Variants in CNTN5 observed in about 807,000 individuals in gnomAD.
CNTN5 encodes contactin 5, also known as contactin-5.
Under a neutral mutation model 129.1 loss-of-function variants are expected in CNTN5, and 77 were observed. That is an observed-to-expected ratio of 0.60 (90% CI 0.50 to 0.72). CNTN5 has a LOEUF of 0.72. Ranked by LOEUF, CNTN5 falls within the 30% of genes least tolerant of loss-of-function variation. The probability of loss-of-function intolerance (pLI) is 0.00; values close to 1 mark genes in which losing one functional copy is unlikely to be tolerated. For missense variants in CNTN5, 1,478 were observed against 1,328.8 expected (o/e 1.11, Z -1.75); for synonymous variants, 509 against 465.6 (o/e 1.09, Z -1.20).
chr11:99,784,841 C>T (rs928796920), intron 3 of CNTN5, among the ~76,000 whole-genome samples: 1 of 142,804 alleles, frequency 7.0e-6, no homozygotes, highest in African/African-American at 2.6e-5. Flanking sequence ...GCTTTGTTGC[C>T]CAGGTTGGAG....
intron 2 of CNTN5, among the ~76,000 whole-genome samples, chr11:99,408,204 A>T (rs1295382891): frequency 6.6e-6 from 1 of 151,296 alleles, no homozygotes; most frequent in East Asian, 2.0e-4. Context: ...CTTCTTTTTT[A>T]AAAAGTATCA....
intron 2 of CNTN5, among the ~76,000 whole-genome samples, chr11:99,388,824 A>G (rs1279744319): frequency 6.6e-6 from 1 of 152,150 alleles, no homozygotes; most frequent in Non-Finnish European, 1.5e-5. Context: ...GAACAGATTT[A>G]TCTCCTAATC....
intron 9 of CNTN5, among the ~76,000 whole-genome samples, chr11:100,048,018 C>G (rs1942776181): frequency 6.6e-6 from 1 of 152,066 alleles, no homozygotes; most frequent in Admixed American, 6.6e-5. Context: ...GTAGTCCCAG[C>G]TACTGGGGGT....
chr11:99,373,142 G>A (rs1382126453), intron 2 of CNTN5, among the ~76,000 whole-genome samples: 3 of 152,150 alleles, frequency 2.0e-5, no homozygotes, highest in Non-Finnish European at 2.9e-5. Flanking sequence ...CCTGGAGGCC[G>A]AGGTTGCAGT....
At chr11:99,893,055 G>C (rs778511110) in intron 6 of CNTN5, among the ~76,000 whole-genome samples, 4 of 152,070 alleles carry the variant, frequency 2.6e-5, no homozygotes, top group Non-Finnish European at 5.9e-5. Flanking sequence ...GGGAGTCTCA[G>C]CAAATGTTTC....
intron 8 of CNTN5, among the ~76,000 whole-genome samples, chr11:99,970,607 A>G (rs546846900): frequency 6.6e-6 from 1 of 152,324 alleles, no homozygotes; most frequent in East Asian, 1.9e-4. Flanking sequence ...AAACTTTAGT[A>G]AAGGTTAGCT....
intron 7 of CNTN5, among the ~76,000 whole-genome samples, chr11:99,921,562 A>G (rs1187479515): frequency 6.6e-6 from 1 of 152,200 alleles, no homozygotes; most frequent in African/African-American, 2.4e-5. Context: ...ACAGCATTAC[A>G]TATACTGCCT....
chr11:99,044,465 C>G (rs554568724), intron 1 of CNTN5, among the ~76,000 whole-genome samples: 1 of 152,106 alleles, frequency 6.6e-6, no homozygotes, highest in Non-Finnish European at 1.5e-5. Flanking sequence ...AATGAGCAGT[C>G]TAGTCCTCAT....
At chr11:99,931,741 G>C (rs1950197411) in intron 7 of CNTN5, among the ~76,000 whole-genome samples, 1 of 152,190 alleles carries the variant, frequency 6.6e-6, no homozygotes, top group Non-Finnish European at 1.5e-5. Flanking sequence ...ATGCAGACAA[G>C]TTAGTGTGCA....
At chr11:99,363,984 A>G (rs1939290181) in intron 2 of CNTN5, among the ~76,000 whole-genome samples, 1 of 152,252 alleles carries the variant, frequency 6.6e-6, no homozygotes, top group East Asian at 1.9e-4. Context: ...GCAAAGGTGA[A>G]TAAAAGTCTA....
At chr11:99,659,315 C>T (rs116291422) in intron 3 of CNTN5, among the ~76,000 whole-genome samples, 1,884 of 152,138 alleles carry the variant, frequency 0.012, 38 homozygotes, top group African/African-American at 0.042. Flanking sequence ...GTATTCCAGG[C>T]TCTAGTTGTT....
Position 99,678,778 on chromosome 11 carries a change from G to A in CNTN5, c.55+122509G>A, listed in dbSNP as rs543973802. ...GAGTTCTGTGGCATGGTGGCACAGC[G>A]CCAACTACAGTAAAGAAATAAATTA... On this transcript the variant is annotated intron_variant, in intron 3 of 24. Coordinates refer to ENST00000524871, the MANE Select transcript of CNTN5 (RefSeq NM_014361.4). 7.2e-5 allele frequency among the ~76,000 whole-genome samples: 11 copies of A among 151,962 alleles called. No individual in the cohort carries two copies. In the East Asian group the frequency reaches 9.7e-4, roughly 13 times the overall value.
intron 1 of CNTN5, among the ~76,000 whole-genome samples, chr11:99,143,263 T>A (rs1482268406): frequency 6.7e-6 from 1 of 149,772 alleles, no homozygotes; most frequent in Non-Finnish European, 1.5e-5. Flanking sequence ...CTTAGAAATG[T>A]AATTTAAAAA....
chr11:100,000,893 C>A (rs1195448521), intron 8 of CNTN5, among the ~76,000 whole-genome samples: 1 of 152,158 alleles, frequency 6.6e-6, no homozygotes, highest in African/African-American at 2.4e-5. Context: ...TGTATGTTGA[C>A]CCCTTTTAGC....
At position 99,982,411 on chromosome 11, in the gene CNTN5, C is replaced by T. The variant is rs554288770; in HGVS notation, c.878-19623C>T. On this transcript the variant is annotated intron_variant, in intron 8 of 24. Coordinates refer to ENST00000524871, the MANE Select transcript of CNTN5 (RefSeq NM_014361.4). ...TATAGAATGGATTGGGGTAAAAAGA[C>T]AGCTGGCAGGAGGCTGAATACACCA... Among the ~76,000 whole-genome samples the T allele has an allele frequency of 5.3e-5, 8 of 152,158 alleles. No homozygotes were observed. In the South Asian group the frequency reaches 1.5e-3, roughly 28 times the overall value.
At chr11:100,021,422 A>T (rs962579563) in intron 9 of CNTN5, among the ~76,000 whole-genome samples, 11 of 152,184 alleles carry the variant, frequency 7.2e-5, no homozygotes, top group Non-Finnish European at 1.5e-4. Context: ...GAAATTTTCT[A>T]ATATATTTGT....
chr11:99,436,934 C>T (rs560294307), intron 2 of CNTN5, among the ~76,000 whole-genome samples: 2 of 152,154 alleles, frequency 1.3e-5, no homozygotes, highest in South Asian at 2.1e-4. Context: ...TTTTCTCTAC[C>T]TTCATGATGT....
intron 17 of CNTN5, among the ~76,000 whole-genome samples, chr11:100,259,330 C>A (rs1373831217): frequency 1.3e-5 from 2 of 152,158 alleles, no homozygotes; most frequent in Non-Finnish European, 2.9e-5. Context: ...GACTTAGACT[C>A]CCACACAATA....
At chr11:99,390,533 T>C (rs1369183320) in intron 2 of CNTN5, among the ~76,000 whole-genome samples, 2 of 152,188 alleles carry the variant, frequency 1.3e-5, no homozygotes, top group Non-Finnish European at 2.9e-5. Context: ...ACACAAAACT[T>C]AAAATAGTTG....
Sources: gnomAD v4.1 joint callset for allele counts (sites outside exome capture counted in the v4.1 genomes callset) on GRCh38, gnomAD v4.1.1 for gene constraint, MANE v1.5 for transcripts, NCBI Gene and HGNC (gene_info 2026-07-23, HGNC 2026-07-21) for gene names.